The following TLL2 variants were observed in gnomAD, a reference collection of about 807,000 sequenced individuals.
TLL2 encodes the protein tolloid like 2.
TLL2 carries 106 observed loss-of-function variants against 123.0 expected under a neutral mutation model. That is an observed-to-expected ratio of 0.86 (90% confidence interval 0.74 to 1.01). The LOEUF (loss-of-function observed/expected upper bound fraction) is 1.01, where lower values mean the gene tolerates loss of function less well. TLL2 is among the 50% of genes least tolerant of loss of function. The pLI, the probability that TLL2 is intolerant of heterozygous loss-of-function variation, is 0.00. For synonymous variants in TLL2, 494 were observed against 516.8 expected (o/e 0.96, Z 0.60); for missense variants, 1,332 against 1,336.7 (o/e 1.00, Z 0.06).
intron 2 of TLL2, among the ~76,000 whole-genome samples, chr10:96,446,754 A>C (rs943637949): frequency 2.0e-5 from 3 of 152,190 alleles, no homozygotes; most frequent in Admixed American, 1.3e-4. Flanking sequence ...TGATGCTTGT[A>C]CGTGTTTGCT....
At chr10:96,390,810 T>C (rs894403127) in intron 13 of TLL2, among the ~76,000 whole-genome samples, 4 of 152,226 alleles carry the variant, frequency 2.6e-5, no homozygotes, top group African/African-American at 9.6e-5. Flanking sequence ...CCCAGCCACA[T>C]GTGGCTACTG....
intron 7 of TLL2, among the ~76,000 whole-genome samples, chr10:96,414,872 CT>C (rs1379084478): frequency 6.6e-6 from 1 of 152,110 alleles, no homozygotes; most frequent in Non-Finnish European, 1.5e-5. Flanking sequence ...TCCACTCTAC[CT>C]TTTTTGCACC....
chr10:96,413,100 C>G lies in TLL2; in HGVS notation c.1048+92G>C. Reference sequence around the variant, plus strand: ...GAAATTAAAGCTGCCAAGGAATAGTCCCTTTAGGTCCCCCAAGTTGTTTTC... The same window carrying G: ...GAAATTAAAGCTGCCAAGGAATAGTGCCTTTAGGTCCCCCAAGTTGTTTTC... On this transcript the variant is annotated intron_variant, in intron 8 of 20. Transcript: ENST00000357947. 9 of 1,549,432 alleles carry G rather than the reference C, an allele frequency of 5.8e-6. No individual in the cohort carries two copies. The South Asian group carries it at 1.1e-4, about 19-fold the overall frequency.
intron 1 of TLL2, among the ~76,000 whole-genome samples, chr10:96,489,245 C>T (rs10882801): frequency 0.39 from 59,476 of 152,126 alleles, 12,090 homozygotes; most frequent in East Asian, 0.73. Context: ...GAAGTGATCC[C>T]AAGCCAGGTG....
chr10:96,481,890 G>A (rs1249070730), intron 1 of TLL2, among the ~76,000 whole-genome samples: 1 of 152,138 alleles, frequency 6.6e-6, no homozygotes, highest in African/African-American at 2.4e-5. Flanking sequence ...TGAGAACTTC[G>A]AGTAACAGAG....
chr10:96,420,907 T>G, intron 7 of TLL2, 49 bp downstream of exon 7: 1 of 1,565,616 alleles, frequency 6.4e-7, no homozygotes, highest in Non-Finnish European at 8.8e-7. Flanking sequence ...AACCCAAGCC[T>G]GCCGCAGGCA....
At chr10:96,487,214 T>G (rs1847365515) in intron 1 of TLL2, among the ~76,000 whole-genome samples, 1 of 152,144 alleles carries the variant, frequency 6.6e-6, no homozygotes, top group Non-Finnish European at 1.5e-5. Context: ...TTAAACAACA[T>G]GAGGTCTGTT....
At chr10:96,492,048 A>G (rs1847419240) in intron 1 of TLL2, among the ~76,000 whole-genome samples, 1 of 152,118 alleles carries the variant, frequency 6.6e-6, no homozygotes, top group Admixed American at 6.5e-5. Flanking sequence ...GCTCCCACCC[A>G]GGATTTGCAC....
Position 96,386,066 on chromosome 10 carries a change from C to T in TLL2, c.2002G>A (p.Glu668Lys). 1 of 1,601,152 alleles carries T rather than the reference C, an allele frequency of 6.2e-7. No individual in the cohort carries two copies. The highest frequency in any genetic ancestry group is 1.1e-5 in the South Asian group (1 of 88,774). Residue 668 changes from glutamate to lysine, a missense_variant, in exon 15 of 21, where the codon GAA (glutamate) becomes AAA (lysine). Glu to Lys is a moderately conservative substitution (Grantham distance 56, BLOSUM62 1). Transcript: ENST00000357947. ...GCATGGAGACATACGTCATTGCCTT[C>T]CAGTTCAAACACTTCAAACTGAAGG... ...ISLQFEVFEL[E>K]GNDVCKYDFV...
At chr10:96,371,033 G>A (rs925691204) in intron 19 of TLL2, among the ~76,000 whole-genome samples, 11 of 152,216 alleles carry the variant, frequency 7.2e-5, no homozygotes, top group African/African-American at 2.6e-4. Context: ...AAAATAAAAT[G>A]GATATTGGCC....
At chr10:96,468,191 G>A (rs1165122718) in intron 2 of TLL2, among the ~76,000 whole-genome samples, 2 of 152,024 alleles carry the variant, frequency 1.3e-5, no homozygotes, top group Admixed American at 6.6e-5. Context: ...TCATTTCCAC[G>A]TCCTCCCTCC....
intron 10 of TLL2, among the ~76,000 whole-genome samples, chr10:96,400,810 A>G (rs1413582153): frequency 6.6e-6 from 1 of 152,168 alleles, no homozygotes; most frequent in Non-Finnish European, 1.5e-5. Flanking sequence ...AGGGAATCCA[A>G]TTTACAGGAC....
rs56153448 is a variant in TLL2 at position 96,463,716 on chromosome 10, G to A, written c.286+16633C>T. Among the ~76,000 whole-genome samples, 468 of 150,378 alleles carry A rather than the reference G, an allele frequency of 3.1e-3. 2 individuals carry two copies. The highest frequency in any genetic ancestry group is 0.017 in the Middle Eastern group (5 of 288). ...CAGCTCCAGCTCCCTTGGGACCTTC[G>A]TCTACACATACAGGATGCCATCTAG... On this transcript the variant is annotated intron_variant, in intron 2 of 20. Coordinates refer to ENST00000357947, the MANE Select transcript of TLL2 (RefSeq NM_012465.4).
chr10:96,496,101 C>G (rs753513995), intron 1 of TLL2, among the ~76,000 whole-genome samples: 3 of 152,140 alleles, frequency 2.0e-5, no homozygotes, highest in Non-Finnish European at 4.4e-5. Flanking sequence ...CTGGGACTCC[C>G]AACCATGGGC....
intron 3 of TLL2, among the ~76,000 whole-genome samples, chr10:96,439,931 A>C (rs139769182): frequency 1.0e-3 from 156 of 152,332 alleles, no homozygotes; most frequent in Non-Finnish European, 1.9e-3. Context: ...GGGATTTCAC[A>C]TAAGAATCCA....
chr10:96,453,316 C>T (rs11188762), intron 2 of TLL2, among the ~76,000 whole-genome samples: 22,394 of 151,882 alleles, frequency 0.15, 1,840 homozygotes, highest in East Asian at 0.35. Context: ...ATTAGCCAGG[C>T]GTGGTGGCGC....
chr10:96,471,913 C>CGT (rs376103395), intron 2 of TLL2, among the ~76,000 whole-genome samples: 4 of 151,596 alleles, frequency 2.6e-5, no homozygotes, highest in South Asian at 2.1e-4. Context: ...TGTGTGCGTG[C>CGT]GTGTGTGTGT....
intron 1 of TLL2, among the ~76,000 whole-genome samples, chr10:96,511,294 G>A (rs1336141673): frequency 6.6e-6 from 1 of 152,396 alleles, no homozygotes; most frequent in Admixed American, 6.5e-5. Context: ...CTGATGAACT[G>A]CTTGCTGGCC....
chr10:96,397,838 G>A (rs894634230), intron 10 of TLL2, among the ~76,000 whole-genome samples: 2 of 152,218 alleles, frequency 1.3e-5, no homozygotes, highest in Non-Finnish European at 2.9e-5. Context: ...CATCCTGGTA[G>A]CCGTAGGAGG....
Sources: gnomAD v4.1 joint callset for allele counts (sites outside exome capture counted in the v4.1 genomes callset) on GRCh38, gnomAD v4.1.1 for gene constraint, MANE v1.5 for transcripts, NCBI Gene and HGNC (gene_info 2026-07-23, HGNC 2026-07-21) for gene names.